The following ZNF385D variants were observed in gnomAD, a reference collection of about 807,000 sequenced individuals.
ZNF385D encodes the protein zinc finger protein 385D.
In ZNF385D, 15 loss-of-function variants were observed where a neutral mutation model predicts 35.8. The ratio of observed to expected loss-of-function variants is 0.42; its 90% CI spans 0.28 to 0.64. The LOEUF (loss-of-function observed/expected upper bound fraction) is 0.64. Among genes scored for constraint, ZNF385D ranks in the 30% least tolerant of loss-of-function variants. ZNF385D has a pLI of 0.23. For synonymous variants in ZNF385D, 212 were observed against 186.8 expected, an observed-to-expected ratio of 1.13 and a Z score of -1.10; for missense variants, 474 against 494.6, an observed-to-expected ratio of 0.96 and a Z score of 0.39.
At chr3:22,340,489 T>C (rs1444518292) in intron 2 of ZNF385D, among the ~76,000 whole-genome samples, 2 of 152,034 alleles carry the variant, frequency 1.3e-5, no homozygotes, top group Non-Finnish European at 2.9e-5. Flanking sequence ...CTACTAAAAA[T>C]ACAAAAATTA....
At chr3:22,324,039 T>C (rs1694564138) in intron 2 of ZNF385D, among the ~76,000 whole-genome samples, 1 of 152,134 alleles carries the variant, frequency 6.6e-6, no homozygotes, top group African/African-American at 2.4e-5. Flanking sequence ...AAAGATATCA[T>C]GAAAGCTCCT....
rs148323585 is a variant in ZNF385D at position 21,785,425 on chromosome 3, C to T, written c.326-120397G>A. ...GTGAGAACACTTAAGAATGTTCTCACCAAATATTTGCCCTCTTAGCAAATT... is the reference window on the plus strand; with the variant it reads ...GTGAGAACACTTAAGAATGTTCTCATCAAATATTTGCCCTCTTAGCAAATT... On this transcript the variant is annotated intron_variant, in intron 3 of 5. Coordinates refer to the ZNF385D transcript ENST00000494108. Among the ~76,000 whole-genome samples, 867 of 152,202 alleles carry T rather than the reference C, an allele frequency of 5.7e-3. 9 individuals carry two copies. Among genetic ancestry groups the T allele is most frequent in the South Asian group, 0.024 (117 of 4,820 alleles).
At chr3:21,682,800 G>A (rs1431091317) in intron 1 of ZNF385D, among the ~76,000 whole-genome samples, 1 of 149,588 alleles carries the variant, frequency 6.7e-6, no homozygotes, top group African/African-American at 2.5e-5. Context: ...GTTCTATAGT[G>A]CAACTGCTAA....
chr3:21,421,083 A>T lies in ZNF385D; in HGVS notation c.*131T>A, dbSNP rs1257647959. The stretch of plus-strand genomic sequence containing the variant: ...CCCCCACTTTTTTATAACCTTTTCA[A>T]TTCACTATCAAAAGTCCTGGCTCTT... On this transcript the variant is annotated 3_prime_UTR_variant, in exon 8 of 8. Coordinates refer to ENST00000281523, the MANE Select transcript of ZNF385D (RefSeq NM_024697.3). 1 of 464,308 alleles carries T rather than the reference A, an allele frequency of 2.2e-6. No individual in the cohort carries two copies. Among genetic ancestry groups the T allele is most frequent in the Non-Finnish European group, 3.4e-6 (1 of 293,592 alleles). The allele number at this position is 464,308 out of a possible 1,614,324, so 28.8% of individuals were successfully genotyped here.
chr3:22,348,047 G>A (rs909734314), intron 2 of ZNF385D, among the ~76,000 whole-genome samples: 7 of 152,004 alleles, frequency 4.6e-5, no homozygotes, highest in Admixed American at 2.6e-4. Context: ...ATCTAACTAA[G>A]GTCTACGCTT....
At chr3:22,027,239 C>T (rs1199114643) in intron 3 of ZNF385D, among the ~76,000 whole-genome samples, 4 of 152,182 alleles carry the variant, frequency 2.6e-5, no homozygotes, top group East Asian at 3.9e-4. Context: ...ATTTTGGAGG[C>T]AACACATTCC....
intron 2 of ZNF385D, among the ~76,000 whole-genome samples, chr3:22,191,639 A>G (rs1408498603): frequency 2.0e-5 from 3 of 152,200 alleles, no homozygotes; most frequent in Non-Finnish European, 2.9e-5. Flanking sequence ...TTGTCTTTAA[A>G]TGTTTAAGCT....
intron 3 of ZNF385D, among the ~76,000 whole-genome samples, chr3:21,986,379 G>A (rs879332553): frequency 0.021 from 2,201 of 104,620 alleles, 107 homozygotes; most frequent in Non-Finnish European, 0.026. Flanking sequence ...CTTTGTTCTC[G>A]TTGGTTTCAA....
chr3:22,316,396 C>A (rs1703887729), intron 2 of ZNF385D, among the ~76,000 whole-genome samples: 1 of 152,134 alleles, frequency 6.6e-6, no homozygotes, highest in South Asian at 2.1e-4. Flanking sequence ...TAAAGTAGGT[C>A]TTTCTTTAAT....
intron 3 of ZNF385D, among the ~76,000 whole-genome samples, chr3:22,167,866 C>T (rs6550667): frequency 0.19 from 29,485 of 152,028 alleles, 2,941 homozygotes; most frequent in African/African-American, 0.21. Flanking sequence ...ATAAAAAATC[C>T]TTTCCAATAG....
At chr3:21,497,542 A>C (rs888263663) in intron 4 of ZNF385D, among the ~76,000 whole-genome samples, 5 of 152,150 alleles carry the variant, frequency 3.3e-5, no homozygotes, top group African/African-American at 9.7e-5. Context: ...TTATTTAAAA[A>C]AATTTTTTTT....
At chr3:22,310,228 G>C (rs977379530) in intron 2 of ZNF385D, among the ~76,000 whole-genome samples, 1 of 151,912 alleles carries the variant, frequency 6.6e-6, no homozygotes, top group African/African-American at 2.4e-5. Context: ...TTACTATTAC[G>C]AACAAGAGCA....
intron 2 of ZNF385D, among the ~76,000 whole-genome samples, chr3:21,604,204 G>A (rs1201937795): frequency 1.3e-5 from 2 of 152,148 alleles, no homozygotes; most frequent in African/African-American, 2.4e-5. Flanking sequence ...GAATAAGATT[G>A]TAGGGAAAGG....
At chr3:22,335,289 C>T (rs1304101825) in intron 2 of ZNF385D, among the ~76,000 whole-genome samples, 4 of 152,066 alleles carry the variant, frequency 2.6e-5, no homozygotes, top group Admixed American at 2.6e-4. Flanking sequence ...AAAATAAGAT[C>T]ATTCTGTAAT....
chr3:22,106,610 G>C (rs967145199), intron 3 of ZNF385D, among the ~76,000 whole-genome samples: 7 of 152,048 alleles, frequency 4.6e-5, no homozygotes, highest in Non-Finnish European at 1.0e-4. Flanking sequence ...CTGCCCCCTT[G>C]GTTTAATACC....
At chr3:21,963,950 ATAT>A (rs1029256872) in intron 3 of ZNF385D, among the ~76,000 whole-genome samples, 1 of 152,196 alleles carries the variant, frequency 6.6e-6, no homozygotes, top group African/African-American at 2.4e-5. Context: ...TTTATGTTAG[ATAT>A]TATTATAGGT....
chr3:21,804,301 G>A (rs1369811376), intron 3 of ZNF385D, among the ~76,000 whole-genome samples: 1 of 152,084 alleles, frequency 6.6e-6, no homozygotes, highest in Non-Finnish European at 1.5e-5. Flanking sequence ...TAAAAAGTAA[G>A]TGCCATCTAG....
chr3:21,763,176 G>T (rs994082150), intron 3 of ZNF385D, among the ~76,000 whole-genome samples: 1 of 152,154 alleles, frequency 6.6e-6, no homozygotes, highest in African/African-American at 2.4e-5. Context: ...GAGACCTGTT[G>T]ATTTTGCAAT....
chr3:21,958,654 C>T lies in ZNF385D; in HGVS notation c.325+210163G>A, dbSNP rs1329995254. Among the ~76,000 whole-genome samples, 3 of 152,032 alleles carry T rather than the reference C, an allele frequency of 2.0e-5. No individual in the cohort carries two copies. In the East Asian group the frequency reaches 5.8e-4, roughly 29 times the overall value. On this transcript the variant is annotated intron_variant, in intron 3 of 5. Coordinates refer to the ZNF385D transcript ENST00000494108. Reference sequence around the variant, plus strand: ...CCCAGGGTAGAACTAGATTCTATCGCCAAATTCTATTATAACTGCATAACC... The same window carrying T: ...CCCAGGGTAGAACTAGATTCTATCGTCAAATTCTATTATAACTGCATAACC...
Sources: allele counts gnomAD v4.1 joint callset (sites outside exome capture counted in the v4.1 genomes callset), GRCh38; gene constraint gnomAD v4.1.1; transcripts MANE v1.5; gene names NCBI Gene and HGNC (gene_info 2026-07-23, HGNC 2026-07-21).